Variants in GGTA1 observed in about 807,000 individuals in gnomAD.
GGTA1 encodes glycoprotein alpha-galactosyltransferase 1 (inactive), also known as inactive N-acetyllactosaminide alpha-1,3-galactosyltransferase.
GGTA1 carries 5 observed loss-of-function variants against 2.6 expected under a neutral mutation model. The ratio of observed to expected loss-of-function variants is 1.92; its 90% confidence interval spans 1.00 to 4.04. GGTA1 has a LOEUF of 4.04. GGTA1 is among the 30% of genes most tolerant of loss of function. GGTA1 has a pLI of 0.00. For synonymous variants in GGTA1, 17 were observed against 5.0 expected, an observed-to-expected ratio of 3.38 and a Z score of -3.19; for missense variants, 50 against 16.7, an observed-to-expected ratio of 2.99 and a Z score of -3.47.
chr9:121,492,454 G>GTATTT (rs1006228834), intron 1 of GGTA1, among the ~76,000 whole-genome samples: 43 of 152,136 alleles, frequency 2.8e-4, no homozygotes, highest in African/African-American at 5.1e-4. Flanking sequence ...CCGAGTTCAG[G>GTATTT]TATTTTATTT....
intron 1 of GGTA1, among the ~76,000 whole-genome samples, chr9:121,498,629 C>T (rs574633083): frequency 6.6e-6 from 1 of 152,330 alleles, no homozygotes; most frequent in African/African-American, 2.4e-5. Flanking sequence ...CACCCTACAT[C>T]TCCTGCTTCC....
chr9:121,457,423 GGGC>G (rs1231944326), intron 5 of GGTA1, among the ~76,000 whole-genome samples: 3 of 152,148 alleles, frequency 2.0e-5, no homozygotes, highest in Non-Finnish European at 4.4e-5. Context: ...TGTATAAGCC[GGGC>G]GTGGTGGCTC....
At chr9:121,497,451 A>C (rs1194264372) in intron 1 of GGTA1, among the ~76,000 whole-genome samples, 3 of 152,050 alleles carry the variant, frequency 2.0e-5, no homozygotes, top group Non-Finnish European at 4.4e-5. Flanking sequence ...TTAGAGCCAG[A>C]ACTGCATTCA....
At chr9:121,498,790 T>C (rs909280301) in intron 1 of GGTA1, among the ~76,000 whole-genome samples, 1 of 151,936 alleles carries the variant, frequency 6.6e-6, no homozygotes, top group African/African-American at 2.4e-5. Flanking sequence ...CCTCCGCGCC[T>C]CCCAGTCCCT....
intron 1 of GGTA1, among the ~76,000 whole-genome samples, chr9:121,498,612 AGG>A (rs2118793497): frequency 6.6e-6 from 1 of 152,308 alleles, no homozygotes; most frequent in South Asian, 2.1e-4. Context: ...GCGGCAGGCC[AGG>A]GCTGCACCCT....
downstream of GGTA1, among the ~76,000 whole-genome samples, chr9:121,451,401 G>A (rs1349156161): frequency 6.6e-6 from 1 of 152,166 alleles, no homozygotes; most frequent in Non-Finnish European, 1.5e-5. Context: ...TAGCTAGGAT[G>A]GTCTCGATCT....
chr9:121,451,227 C>G (rs977980738), downstream of GGTA1, among the ~76,000 whole-genome samples: 1 of 152,200 alleles, frequency 6.6e-6, no homozygotes, highest in African/African-American at 2.4e-5. Context: ...GAGACAGAGT[C>G]TGCTCTGTCA....
intron 1 of GGTA1, among the ~76,000 whole-genome samples, chr9:121,468,582 G>A (rs1025996967): frequency 6.6e-6 from 1 of 152,180 alleles, no homozygotes; most frequent in Non-Finnish European, 1.5e-5. Flanking sequence ...CTAGATCCCT[G>A]AGGAATCGCC....
chr9:121,448,550 A>G (rs1044608513), intron 7 of GGTA1, among the ~76,000 whole-genome samples: 1 of 152,240 alleles, frequency 6.6e-6, no homozygotes, highest in Non-Finnish European at 1.5e-5. Flanking sequence ...TATCTTAAAA[A>G]AAGGACTATG....
At chr9:121,480,124 C>T (rs922306409) in intron 1 of GGTA1, among the ~76,000 whole-genome samples, 1 of 150,870 alleles carries the variant, frequency 6.6e-6, no homozygotes, top group African/African-American at 2.4e-5. Context: ...GGCGTGATCT[C>T]GGCTCACTGC....
chr9:121,479,465 C>A (rs1828586815), intron 1 of GGTA1: 2 of 217,444 alleles, frequency 9.2e-6, no homozygotes, highest in South Asian at 1.2e-4. Context: ...GAGCTGTGTG[C>A]CAAGGCAGAA....
At position 121,464,601 on chromosome 9, in the gene GGTA1, C is replaced by T. The variant is rs78558647; in HGVS notation, c.81-1273G>A. Among the ~76,000 whole-genome samples, 719 of 118,010 alleles carry T rather than the reference C, an allele frequency of 6.1e-3. 5 individuals carry two copies. The highest frequency in any genetic ancestry group is 9.6e-3 in the Non-Finnish European group (489 of 50,930). The allele number at this position is 118,010 out of a possible 152,430, so 77.4% of individuals were successfully genotyped here. The stretch of plus-strand genomic sequence containing the variant: ...ATCAGCCTTCCAAAGTACTGAGACT[C>T]CATCTCAAAACAAAAACAAAAACAA... On this transcript the variant is annotated intron_variant, in intron 2 of 5. Coordinates refer to ENST00000481799, the MANE Select transcript of GGTA1 (RefSeq NM_001382585.1).
At chr9:121,445,861 A>G (rs2064849929) in exon 8 of GGTA1, 1 of 152,166 alleles carries the variant, frequency 6.6e-6, no homozygotes, top group Non-Finnish European at 1.5e-5. Context: ...AGGAACCCTG[A>G]GGTTTAGACT....
At chr9:121,480,410 A>G (rs1448097886) in intron 1 of GGTA1, among the ~76,000 whole-genome samples, 1 of 152,140 alleles carries the variant, frequency 6.6e-6, no homozygotes, top group Non-Finnish European at 1.5e-5. Context: ...AAGCAAACAA[A>G]ATCATTCTCA....
rs2064901267 is a variant in GGTA1, at chr9:121,455,272, C to T, written c.*565G>A. ...TTTCTGAACTTAAAACTCTCTTGTT[C>T]GTTACACCTCATTCATTGCATCTTA... On this transcript the variant is annotated 3_prime_UTR_variant, in exon 6 of 6. Coordinates refer to ENST00000481799, the MANE Select transcript of GGTA1 (RefSeq NM_001382585.1). The T allele has an allele frequency of 6.6e-6, 1 of 152,146 alleles. No individual in the cohort carries two copies. Among genetic ancestry groups the T allele is most frequent in the Non-Finnish European group, 1.5e-5 (1 of 68,036 alleles). 9.4% of individuals were successfully genotyped at this position (152,146 alleles called of 1,614,324 possible). A position where few individuals can be genotyped will look rare whatever the true frequency, so the allele number is the denominator to read the frequency against.
In GGTA1 at chr9:121,460,201, T is replaced by C. The variant is rs1286735316; in HGVS notation, c.201A>G (p.Gln67=). The change falls in exon 5 of 6, where the codon CAA becomes CAG. Residue 67 remains glutamine (Q), a synonymous_variant. Transcript: ENST00000481799. ...TTTCTTTGTCTATGTCTTCTTCCCCTTGTTGATAATTGTGGATCCTAAGTA... is the reference window on the plus strand; with the variant it reads ...TTTCTTTGTCTATGTCTTCTTCCCCCTGTTGATAATTGTGGATCCTAAGTA... ...WFNNGIHNYQ[Q]GEEDIDKEKG... 1 of 457,046 alleles carries C rather than the reference T, an allele frequency of 2.2e-6. No homozygotes were observed. The highest frequency in any genetic ancestry group is 4.4e-6 in the Non-Finnish European group (1 of 227,078). 28.3% of individuals were successfully genotyped at this position (457,046 alleles called of 1,614,324 possible).
intron 1 of GGTA1, among the ~76,000 whole-genome samples, chr9:121,475,652 A>C (rs993227947): frequency 1.3e-5 from 2 of 152,202 alleles, no homozygotes; most frequent in Non-Finnish European, 2.9e-5. Flanking sequence ...TTGGAACTGG[A>C]GATGCTTTAC....
At chr9:121,471,484 T>C (rs969037701) in intron 1 of GGTA1, among the ~76,000 whole-genome samples, 2 of 152,208 alleles carry the variant, frequency 1.3e-5, no homozygotes, top group African/African-American at 4.8e-5. Flanking sequence ...CATTTTCCAA[T>C]TCTTTTCAAA....
rs186034627 is a variant in GGTA1 at position 121,456,617 on chromosome 9, C to T, written c.299-776G>A. On this transcript the variant is annotated intron_variant, in intron 5 of 5. Transcript: ENST00000481799. ...TTTTTAGTAAAGACTGGGTTTGGCA[C>T]GTTGGTCAGGCTGGTCTCGAACTCC... 1.8e-3 allele frequency among the ~76,000 whole-genome samples: 280 copies of T among 151,974 alleles called. 1 individual carries two copies. Among genetic ancestry groups the T allele is most frequent in the Admixed American group, 3.6e-3 (55 of 15,260 alleles).
Sources: gnomAD v4.1 joint callset for allele counts (sites outside exome capture counted in the v4.1 genomes callset) on GRCh38, gnomAD v4.1.1 for gene constraint, MANE v1.5 for transcripts, NCBI Gene and HGNC (gene_info 2026-07-23, HGNC 2026-07-21) for gene names.